PKMYT1: variants seen among roughly 807,000 people sequenced by gnomAD.
The protein encoded by PKMYT1 is protein kinase, membrane associated tyrosine/threonine 1, also known as membrane-associated tyrosine- and threonine-specific cdc2-inhibitory kinase.
A neutral mutation model predicts 49.7 loss-of-function variants in PKMYT1; 35 were observed. The ratio of observed to expected loss-of-function variants is 0.70; its 90% CI spans 0.54 to 0.93. The LOEUF (loss-of-function observed/expected upper bound fraction) is 0.93. PKMYT1 is among the 40% of genes least tolerant of loss of function. The pLI, the probability that PKMYT1 is intolerant of heterozygous loss-of-function variation, is 0.00. For synonymous variants in PKMYT1, 331 were observed against 287.6 expected (o/e 1.15, Z -1.53); for missense variants, 677 against 673.1 (o/e 1.01, Z -0.06).
rs2072117684 is a variant in PKMYT1 at position 2,974,341 on chromosome 16, G to C, written c.1056C>G (p.Ala352=). ...PDPKLRATAE[A]LLALPVLRQP... is the part of the protein sequence containing the mutation. ...GCCTCAACACAGGCAGTGCCAGCAGGGCCTCGGCCGTGGCCCGCAGCTTGG... is the reference window on the plus strand; with the variant it reads ...GCCTCAACACAGGCAGTGCCAGCAGCGCCTCGGCCGTGGCCCGCAGCTTGG... The change falls in exon 6 of 9, where the codon GCC becomes GCG. Residue 352 remains alanine (A), a synonymous_variant. Coordinates refer to ENST00000262300, the MANE Select transcript of PKMYT1 (RefSeq NM_004203.5). 1 of 1,608,990 alleles carries C rather than the reference G, an allele frequency of 6.2e-7. No homozygotes were observed. The highest frequency in any genetic ancestry group is 1.3e-5 in the African/African-American group (1 of 74,856).
At position 2,975,527 on chromosome 16, in the gene PKMYT1, C is replaced by A. The variant is rs775478177; in HGVS notation, c.664G>T (p.Ala222Ser). ...GYLRDTLLAL[A>S]HLHSQGLVHL... ...ACCAGGCCCTGGCTGTGCAGATGGGCCAGGGCAAGCAGCGTGTCCCGCAGG... is the reference window on the plus strand; with the variant it reads ...ACCAGGCCCTGGCTGTGCAGATGGGACAGGGCAAGCAGCGTGTCCCGCAGG... Residue 222 changes from alanine (A) to serine (S), a missense_variant, in exon 4 of 9, where the codon GCC becomes TCC. Physicochemically the swap from Ala to Ser is moderately conservative, Grantham distance 99. Coordinates refer to ENST00000262300, the MANE Select transcript of PKMYT1 (RefSeq NM_004203.5). The A allele has an allele frequency of 6.2e-7, 1 of 1,612,424 alleles. No individual in the cohort carries two copies. The highest frequency in any genetic ancestry group is 8.5e-7 in the Non-Finnish European group (1 of 1,179,902).
In PKMYT1 at chr16:2,974,308, CCG is replaced by C; in HGVS notation, c.1087_1088del (p.Arg363GlyfsTer70). The C allele has an allele frequency of 6.3e-7, 1 of 1,594,430 alleles. No homozygotes were observed. Among genetic ancestry groups the C allele is most frequent in the Non-Finnish European group, 8.5e-7 (1 of 1,171,180 alleles). The part of the protein sequence containing the change: ...LLALPVLRQP[R>X]AWGVLWCMAA... The stretch of plus-strand genomic sequence containing the variant: ...CCATGCACCACAGCACACCCCAGGC[CCG>C]CGGCTGCCTCAACACAGGCAGTGCC... On this transcript the variant is annotated frameshift_variant, in exon 6 of 9. Transcript: ENST00000262300. LOFTEE classifies it high-confidence loss of function.
At chr16:2,978,315 G>A (rs1000442249) in intron 2 of PKMYT1, among the ~76,000 whole-genome samples, 7 of 152,198 alleles carry the variant, frequency 4.6e-5, no homozygotes, top group African/African-American at 1.2e-4. Context: ...ACTGGTACCC[G>A]CATTAGGGCA....
chr16:2,976,696 G>A lies in PKMYT1; in HGVS notation c.346C>T (p.Leu116=). 6.7e-7 allele frequency: 1 copy of A among 1,488,152 alleles called. No individual in the cohort carries two copies. Among genetic ancestry groups the A allele is most frequent in the South Asian group, 1.4e-5 (1 of 69,586 alleles). 92.2% of individuals were successfully genotyped at this position (1,488,152 alleles called of 1,614,324 possible). Residue 116 remains leucine, a synonymous_variant, in exon 3 of 9, where the codon CTG becomes TTG. Coordinates refer to ENST00000262300, the MANE Select transcript of PKMYT1 (RefSeq NM_004203.5). ...ACCTCTCCGTAGGAGCCATGGCCCA[G>A]GCGGCTGAGCCTCTGGAAGCTCTGC... ...FQQSFQRLSR[L]GHGSYGEVFK...
In PKMYT1 at chr16:2,976,649, C is replaced by A. The variant is rs559871294; in HGVS notation, c.378+15G>T. ...AGGTCCCCCAGATGGGCCTAGAAGC[C>A]GTCCCCTCACTCACCTTGAAGACCT... On this transcript the variant is annotated intron_variant, in intron 3 of 8. Coordinates refer to ENST00000262300, the MANE Select transcript of PKMYT1 (RefSeq NM_004203.5). 6.9e-7 allele frequency: 1 copy of A among 1,439,148 alleles called. No homozygotes were observed. The highest frequency in any genetic ancestry group is 1.4e-5 in the African/African-American group (1 of 70,374). 89.1% of individuals were successfully genotyped at this position (1,439,148 alleles called of 1,614,324 possible).
In PKMYT1 at chr16:2,974,595, A is replaced by G; in HGVS notation, c.934T>C (p.Trp312Arg). The G allele has an allele frequency of 6.3e-7, 1 of 1,584,114 alleles. No individual in the cohort carries two copies. The change falls in exon 5 of 9, where the codon TGG becomes CGG. Residue 312 changes from tryptophan to arginine, a missense_variant. Trp to Arg is a moderately radical substitution (Grantham distance 101). Coordinates refer to ENST00000262300, the MANE Select transcript of PKMYT1 (RefSeq NM_004203.5). ...AGGTAGCCCTGGCGCAGCTGCTGCCAGCCCTCCCCACCGTGGGGCAGCTCC... is the reference window on the plus strand; with the variant it reads ...AGGTAGCCCTGGCGCAGCTGCTGCCGGCCCTCCCCACCGTGGGGCAGCTCC... ...NMELPHGGEG[W>R]QQLRQGYLPP...
intron 3 of PKMYT1, 81 bp downstream of exon 3, chr16:2,976,583 C>G (rs2151076156): frequency 1.5e-6 from 2 of 1,360,768 alleles, no homozygotes; most frequent in South Asian, 2.2e-5. Context: ...TCAGGCTGCC[C>G]AGGACACTGT....
At chr16:2,975,834 C>T (rs201727633) in intron 3 of PKMYT1, 22 bp from the exon 4 acceptor site, 35 of 1,570,580 alleles carry the variant, frequency 2.2e-5, no homozygotes, top group South Asian at 7.0e-5. Flanking sequence ...GTGGTACCCA[C>T]GCACACAGTG....
chr16:2,977,267 A>G, intron 2 of PKMYT1: 1 of 1,356,402 alleles, frequency 7.4e-7, no homozygotes, highest in Non-Finnish European at 9.5e-7. Flanking sequence ...GAGGAAAACC[A>G]TGGGGCCCGT....
At chr16:2,975,186 G>T in intron 4 of PKMYT1, 133 bp downstream of exon 4, 1 of 1,107,042 alleles carries the variant, frequency 9.0e-7, no homozygotes. Flanking sequence ...GGGCAGGGAT[G>T]GCGTCTCAGC....
Position 2,979,674 on chromosome 16 carries a change from C to T in PKMYT1, c.-17G>A, listed in dbSNP as rs1234680501. 6.2e-7 allele frequency: 1 copy of T among 1,613,930 alleles called. No individual in the cohort carries two copies. Among genetic ancestry groups the T allele is most frequent in the Admixed American group, 1.7e-5 (1 of 60,016 alleles). ...TTCTAGCATGACTGGCCTGGCCCAA[C>T]AGCCTCAGTGGTGGGACGGGGGAGG... On this transcript the variant is annotated 5_prime_UTR_variant, in exon 2 of 9. Transcript: ENST00000262300.
At chr16:2,977,494 C>T (rs2151078205) in intron 2 of PKMYT1, 1 of 994,908 alleles carries the variant, frequency 1.0e-6, no homozygotes, top group Admixed American at 5.7e-5. Context: ...GTGCCAAAAC[C>T]CAGTTAGTGG....
chr16:2,978,430 C>G (rs997638285), intron 2 of PKMYT1, among the ~76,000 whole-genome samples: 2 of 152,102 alleles, frequency 1.3e-5, no homozygotes, highest in Non-Finnish European at 2.9e-5. Flanking sequence ...ACCTCAAAAG[C>G]CACCCTGTCA....
Position 2,975,655 on chromosome 16 carries a change from TC to T in PKMYT1, c.535del (p.Glu179ArgfsTer160). The T allele has an allele frequency of 1.9e-6, 3 of 1,611,144 alleles. No individual in the cohort carries two copies. The highest frequency in any genetic ancestry group is 2.5e-6 in the Non-Finnish European group (3 of 1,179,768). On this transcript the variant is annotated frameshift_variant, in exon 4 of 9. Coordinates refer to ENST00000262300, the MANE Select transcript of PKMYT1 (RefSeq NM_004203.5). LOFTEE classifies it high-confidence loss of function. ...CCVRLEQAWE[E>X]GGILYLQTEL... ...CGTCTGCAGGTACAGGATGCCGCCCTCCTCCCAGGCCTGCTCCAGCCGCACG... is the reference window on the plus strand; with the variant it reads ...CGTCTGCAGGTACAGGATGCCGCCCTCTCCCAGGCCTGCTCCAGCCGCACG...
chr16:2,975,197 C>T, intron 4 of PKMYT1, 122 bp downstream of exon 4: 1 of 1,231,152 alleles, frequency 8.1e-7, no homozygotes, highest in Admixed American at 2.7e-5. Context: ...GCGTCTCAGC[C>T]TTGTGGCTCT....
chr16:2,974,385 T>C lies in PKMYT1; in HGVS notation c.1012A>G (p.Met338Val), dbSNP rs772244440. The change falls in exon 6 of 9, where the codon ATG becomes GTG. Residue 338 changes from methionine to valine, a missense_variant. Coordinates refer to ENST00000262300, the MANE Select transcript of PKMYT1 (RefSeq NM_004203.5). ...AGCTTGGGGTCTGGCTCCAGCATCATGACAAGGACAGAACGCAGCTCGGAA... is the reference window on the plus strand; with the variant it reads ...AGCTTGGGGTCTGGCTCCAGCATCACGACAAGGACAGAACGCAGCTCGGAA... ...LSSELRSVLV[M>V]MLEPDPKLRA... 4.3e-6 allele frequency: 7 copies of C among 1,611,478 alleles called. No individual in the cohort carries two copies. In the Admixed American group the frequency reaches 8.3e-5, roughly 19 times the overall value.
Position 2,975,808 on chromosome 16 carries a change from C to G in PKMYT1, c.383G>C (p.Arg128Pro). 1.9e-6 allele frequency: 3 copies of G among 1,587,594 alleles called. No individual in the cohort carries two copies. Residue 128 changes from arginine (R) to proline (P), a missense_variant, in exon 4 of 9, where the codon CGC becomes CCC. By Grantham distance (103) the Arg-to-Pro change is moderately radical. Transcript: ENST00000262300. ...ATAGAGCCGGCCGTCCTCCTTGGAG[C>G]GCACCTGGAAGGGAGGTGGTACCCA... The part of the protein sequence containing the change: ...HGSYGEVFKV[R>P]SKEDGRLYAV...
intron 2 of PKMYT1, among the ~76,000 whole-genome samples, chr16:2,979,276 G>C (rs1243438139): frequency 6.6e-6 from 1 of 152,188 alleles, no homozygotes; most frequent in Non-Finnish European, 1.5e-5. Flanking sequence ...GGAAGTTGCG[G>C]TGAGCCGAGA....
intron 2 of PKMYT1, 176 bp from the exon 3 acceptor site, chr16:2,977,207 T>C (rs1368505894): frequency 2.8e-6 from 4 of 1,430,386 alleles, no homozygotes; most frequent in Non-Finnish European, 3.7e-6. Flanking sequence ...GACAGATTCA[T>C]ACTCACCTGC....
Sources: allele counts gnomAD v4.1 joint callset (sites outside exome capture counted in the v4.1 genomes callset), GRCh38; gene constraint gnomAD v4.1.1; transcripts MANE v1.5; gene names NCBI Gene and HGNC (gene_info 2026-07-23, HGNC 2026-07-21).